Variants in RBFOX1 observed in about 807,000 individuals in gnomAD.
The protein encoded by RBFOX1 is RNA binding protein fox-1 homolog 1.
RBFOX1 carries 8 observed loss-of-function variants against 57.7 expected under a neutral mutation model. The ratio of observed to expected loss-of-function variants is 0.14; its 90% CI spans 0.08 to 0.25. The LOEUF (loss-of-function observed/expected upper bound fraction) is 0.25, where lower values mean the gene tolerates loss of function less well. Ranked by LOEUF, RBFOX1 falls within the 10% of genes least tolerant of loss-of-function variation. The pLI is 1.00. For synonymous variants in RBFOX1, 326 were observed against 222.4 expected, an observed-to-expected ratio of 1.47 and a Z score of -4.15; for missense variants, 611 against 548.5, an observed-to-expected ratio of 1.11 and a Z score of -1.14.
At chr16:5,255,376 C>CCAGA (rs1427439760) in intron 1 of RBFOX1, among the ~76,000 whole-genome samples, 65 of 152,064 alleles carry the variant, frequency 4.3e-4, no homozygotes, top group African/African-American at 1.4e-3. Flanking sequence ...ATCCATCCAT[C>CCAGA]CATCCAGACA....
At chr16:6,424,963 A>G (rs1293459615) in intron 2 of RBFOX1, among the ~76,000 whole-genome samples, 1 of 152,198 alleles carries the variant, frequency 6.6e-6, no homozygotes. Flanking sequence ...GACATACCAA[A>G]CAGAATACAG....
At chr16:7,387,193 T>C (rs922819024) in intron 4 of RBFOX1, among the ~76,000 whole-genome samples, 7 of 152,202 alleles carry the variant, frequency 4.6e-5, no homozygotes, top group East Asian at 1.9e-4. Flanking sequence ...AGGCAGTTTT[T>C]TGAGTGCTTG....
chr16:7,490,719 A>C (rs1275735023), intron 4 of RBFOX1, among the ~76,000 whole-genome samples: 1 of 152,166 alleles, frequency 6.6e-6, no homozygotes, highest in Non-Finnish European at 1.5e-5. Flanking sequence ...GGGGGTGTTG[A>C]TAGCTTTCAC....
At chr16:6,648,035 G>T (rs968476249) in intron 2 of RBFOX1, among the ~76,000 whole-genome samples, 2 of 152,072 alleles carry the variant, frequency 1.3e-5, no homozygotes, top group Non-Finnish European at 2.9e-5. Context: ...AGAGACAGGG[G>T]TTTCATTTTC....
intron 1 of RBFOX1, among the ~76,000 whole-genome samples, chr16:6,229,425 C>A (rs1047850597): frequency 2.0e-5 from 3 of 152,148 alleles, no homozygotes; most frequent in Admixed American, 2.0e-4. Context: ...CTTACAGTTT[C>A]CACCCTCCCT....
intron 4 of RBFOX1, among the ~76,000 whole-genome samples, chr16:5,945,266 C>G (rs1417812777): frequency 6.6e-6 from 1 of 152,134 alleles, no homozygotes; most frequent in Non-Finnish European, 1.5e-5. Context: ...TTTTAGCTAG[C>G]AGACACGAGG....
intron 3 of RBFOX1, among the ~76,000 whole-genome samples, chr16:5,619,166 C>A (rs1413282026): frequency 1.3e-5 from 2 of 152,192 alleles, no homozygotes; most frequent in African/African-American, 4.8e-5. Context: ...TGTGAGGCCT[C>A]AGCTCTAAGG....
intron 1 of RBFOX1, among the ~76,000 whole-genome samples, chr16:6,042,586 A>AT (rs1385475372): frequency 6.6e-6 from 1 of 152,182 alleles, no homozygotes; most frequent in Non-Finnish European, 1.5e-5. Context: ...GGGAATGTTG[A>AT]TTAAAAAAAG....
chr16:6,383,111 C>T (rs745622863), intron 2 of RBFOX1, among the ~76,000 whole-genome samples: 25 of 152,090 alleles, frequency 1.6e-4, no homozygotes, highest in Non-Finnish European at 2.8e-4. Flanking sequence ...AATTCTCATG[C>T]TTTCTCCAAA....
intron 3 of RBFOX1, among the ~76,000 whole-genome samples, chr16:5,823,531 C>G (rs901977588): frequency 1.6e-4 from 24 of 152,108 alleles, no homozygotes; most frequent in Non-Finnish European, 2.9e-4. Flanking sequence ...CAGTCCATGG[C>G]CTATTAGGAA....
chr16:6,611,584 T>A (rs2098055097), intron 2 of RBFOX1, among the ~76,000 whole-genome samples: 1 of 152,172 alleles, frequency 6.6e-6, no homozygotes, highest in Non-Finnish European at 1.5e-5. Context: ...GTGAGCATGG[T>A]TTTTCCTATC....
At chr16:5,859,954 T>A (rs1168856426) in intron 3 of RBFOX1, among the ~76,000 whole-genome samples, 6 of 152,146 alleles carry the variant, frequency 3.9e-5, no homozygotes, top group African/African-American at 1.4e-4. Flanking sequence ...AAGCCTGGGC[T>A]CCCGTGGGAC....
At chr16:5,814,099 C>T (rs1410334150) in intron 3 of RBFOX1, among the ~76,000 whole-genome samples, 3 of 152,098 alleles carry the variant, frequency 2.0e-5, no homozygotes, top group Non-Finnish European at 2.9e-5. Context: ...GTTAACTAAC[C>T]TGTAATTACT....
At chr16:6,506,441 G>A (rs1640963) in intron 2 of RBFOX1, among the ~76,000 whole-genome samples, 34,459 of 151,692 alleles carry the variant, frequency 0.23, 4,368 homozygotes, top group East Asian at 0.45. Context: ...AGAGGGTTTC[G>A]TGGTCAAAGG....
chr16:6,315,772 C>CTA (rs2081043229), intron 1 of RBFOX1, among the ~76,000 whole-genome samples: 2 of 152,206 alleles, frequency 1.3e-5, no homozygotes, highest in Non-Finnish European at 2.9e-5. Flanking sequence ...TCTTGGGTCT[C>CTA]TCTGCAGGTC....
At chr16:5,248,183 G>T (rs2151071600) in intron 1 of RBFOX1, among the ~76,000 whole-genome samples, 1 of 152,308 alleles carries the variant, frequency 6.6e-6, no homozygotes, top group East Asian at 1.9e-4. Context: ...ATAAAAGAAT[G>T]GTTTCTGCGA....
At chr16:5,782,602 G>T (rs1180307581) in intron 3 of RBFOX1, among the ~76,000 whole-genome samples, 5 of 152,190 alleles carry the variant, frequency 3.3e-5, no homozygotes, top group Non-Finnish European at 7.3e-5. Context: ...TGCTTACTAT[G>T]TTAGGGTTCT....
At position 6,128,991 on chromosome 16, in the gene RBFOX1, G is replaced by C. The variant is rs200320528; in HGVS notation, c.-127+108999G>C. Among the ~76,000 whole-genome samples the C allele has an allele frequency of 3.3e-5, 5 of 152,244 alleles. No individual in the cohort carries two copies. The East Asian group carries it at 7.7e-4, about 24-fold the overall frequency. On this transcript the variant is annotated intron_variant, in intron 1 of 15. Transcript: ENST00000550418. Reference sequence around the variant, plus strand: ...ACAAAGGATAAAACCTAGCACAACAGGATCAAATGACACTCTAGTCATTTA... The same window carrying C: ...ACAAAGGATAAAACCTAGCACAACACGATCAAATGACACTCTAGTCATTTA...
chr16:6,965,314 GTTGTGTGTGTGTGTGTGTGT>G (rs2083886262), intron 3 of RBFOX1, among the ~76,000 whole-genome samples: 2 of 133,400 alleles, frequency 1.5e-5, no homozygotes, highest in African/African-American at 2.9e-5. Context: ...TTTTTCTTTT[GTTGTGTGTGTGTGTGTGTGT>G]GTGTGTGTGT....
Sources: allele counts gnomAD v4.1 joint callset (sites outside exome capture counted in the v4.1 genomes callset), GRCh38; gene constraint gnomAD v4.1.1; transcripts MANE v1.5; gene names NCBI Gene and HGNC (gene_info 2026-07-23, HGNC 2026-07-21).